PPFIA4: variants seen among roughly 807,000 people sequenced by gnomAD.
The protein encoded by PPFIA4 is liprin-alpha-4.
PPFIA4 carries 98 observed loss-of-function variants against 145.7 expected under a neutral mutation model. That is an observed-to-expected ratio of 0.67 (90% CI 0.57 to 0.80). The LOEUF (loss-of-function observed/expected upper bound fraction) is 0.80, where lower values mean the gene tolerates loss of function less well. PPFIA4 is among the 30% of genes least tolerant of loss of function. The probability of loss-of-function intolerance (pLI) is 0.00; values close to 1 mark genes in which losing one functional copy is unlikely to be tolerated. For synonymous variants in PPFIA4, 628 were observed against 649.6 expected, an observed-to-expected ratio of 0.97 and a Z score of 0.51; for missense variants, 1,457 against 1,632.7, an observed-to-expected ratio of 0.89 and a Z score of 1.85.
intron 7 of PPFIA4, 24 bp from the exon 8 acceptor site, chr1:203,045,817 C>T (rs970269100): frequency 7.4e-6 from 12 of 1,612,718 alleles, no homozygotes; most frequent in Non-Finnish European, 1.0e-5. Flanking sequence ...TGGTTACCGT[C>T]CTTCTTGTCC....
chr1:203,049,798 G>A, intron 13 of PPFIA4, 31 bp downstream of exon 13: 1 of 1,502,542 alleles, frequency 6.7e-7, no homozygotes, highest in Non-Finnish European at 8.9e-7. Flanking sequence ...GGGCATGCCA[G>A]GACGGGGTCC....
In PPFIA4 at chr1:203,043,778, G is replaced by A. The variant is rs4950908; in HGVS notation, c.337-153G>A. Among the ~76,000 whole-genome samples, 105,306 of 151,996 alleles carry A rather than the reference G, an allele frequency of 0.69. 37,604 individuals carry two copies. The highest frequency in any genetic ancestry group is 0.8 in the East Asian group (4,102 of 5,150). On this transcript the variant is annotated intron_variant, in intron 3 of 29. Coordinates refer to ENST00000295706, the MANE Select transcript of PPFIA4 (RefSeq NM_001304331.2). This position sits in a 1 kb window ranked among gnomAD's most constrained non-coding sequence, Gnocchi z 4.4. ...CACCTTGAGTAGTATCAGTTGGGGC[G>A]GGAGCTCTGTGCCCATTTGGAAGTA... is the stretch of plus-strand genomic sequence containing the variant.
rs754408237 is a variant in PPFIA4, at chr1:203,060,426, C to T, written c.2784+9C>T. 1.6e-5 allele frequency: 25 copies of T among 1,611,446 alleles called. No individual in the cohort carries two copies. Among genetic ancestry groups the T allele is most frequent in the Non-Finnish European group, 1.9e-5 (23 of 1,179,536 alleles). On this transcript the variant is annotated intron_variant, in intron 22 of 29. Transcript: ENST00000295706. The surrounding 1 kb of genome is among the most constrained non-coding windows in gnomAD (Gnocchi z 4.8). ...CACCCACCTCCAGGACTGTGAGTGG[C>T]CCCTCCTTTGCCCAGGACATTTTCA...
At chr1:203,063,666 A>G in intron 24 of PPFIA4, 162 bp from the exon 25 acceptor site, 1 of 643,750 alleles carries the variant, frequency 1.6e-6, no homozygotes, top group Non-Finnish European at 2.7e-6. Context: ...TCCCACCACT[A>G]CCAGCCCCCT....
At position 203,043,620 on chromosome 1, in the gene PPFIA4, A is replaced by T; in HGVS notation, c.336+122A>T. The T allele has an allele frequency of 2.2e-6, 2 of 900,684 alleles. No homozygotes were observed. Among genetic ancestry groups the T allele is most frequent in the South Asian group, 3.2e-5 (2 of 62,596 alleles). 55.8% of individuals were successfully genotyped at this position (900,684 alleles called of 1,614,324 possible). A position where few individuals can be genotyped will look rare whatever the true frequency, so the allele number is the denominator to read the frequency against. Reference sequence around the variant, plus strand: ...TGGGGCCAGGCACAGTCCTAGCTCAAGCCCCATCCTTCCCTCTTCCTGTCT... The same window carrying T: ...TGGGGCCAGGCACAGTCCTAGCTCATGCCCCATCCTTCCCTCTTCCTGTCT... On this transcript the variant is annotated intron_variant, in intron 3 of 29. Transcript: ENST00000295706. The surrounding 1 kb of genome is among the most constrained non-coding windows in gnomAD (Gnocchi z 4.4).
In PPFIA4 at chr1:203,055,342, C is replaced by T. The variant is rs1558086643; in HGVS notation, c.1830-90C>T. On this transcript the variant is annotated intron_variant, in intron 15 of 29. Coordinates refer to ENST00000295706, the MANE Select transcript of PPFIA4 (RefSeq NM_001304331.2). This position sits in a 1 kb window ranked among gnomAD's most constrained non-coding sequence, Gnocchi z 4.8. ...TGGCGGGTGTACACCGCATGTGGTCCTTGGTGGCGAGTGCAGGCATCGACC... is the reference window on the plus strand; with the variant it reads ...TGGCGGGTGTACACCGCATGTGGTCTTTGGTGGCGAGTGCAGGCATCGACC... 1 of 1,552,834 alleles carries T rather than the reference C, an allele frequency of 6.4e-7. No homozygotes were observed. The highest frequency in any genetic ancestry group is 8.8e-7 in the Non-Finnish European group (1 of 1,131,722).
intron 13 of PPFIA4, among the ~76,000 whole-genome samples, chr1:203,050,136 A>C (rs1479262803): frequency 6.6e-6 from 1 of 152,214 alleles, no homozygotes; most frequent in Non-Finnish European, 1.5e-5. Context: ...CATTCACTCC[A>C]GTTCTCTTGA....
chr1:203,041,084 G>C (rs1659665900), intron 2 of PPFIA4, among the ~76,000 whole-genome samples: 1 of 152,216 alleles, frequency 6.6e-6, no homozygotes, highest in Admixed American at 6.5e-5. Flanking sequence ...ACAGCTCCCA[G>C]CAAGGCTGTA....
intron 20 of PPFIA4, among the ~76,000 whole-genome samples, chr1:203,059,539 C>T (rs1451260272): frequency 2.0e-5 from 3 of 152,194 alleles, no homozygotes; most frequent in African/African-American, 7.2e-5. Context: ...AAGTCAATGT[C>T]AGGTCACATG....
Position 203,048,811 on chromosome 1 carries a change from G to C in PPFIA4, c.1356+97G>C, listed in dbSNP as rs1222809583. ...ATGGGCGCAGGCGGGGTCTCAATGGGGTGGGTGGCCAGCCTGGAGAGGTGG... is the reference window on the plus strand; with the variant it reads ...ATGGGCGCAGGCGGGGTCTCAATGGCGTGGGTGGCCAGCCTGGAGAGGTGG... On this transcript the variant is annotated intron_variant, in intron 11 of 29. Coordinates refer to ENST00000295706, the MANE Select transcript of PPFIA4 (RefSeq NM_001304331.2). The surrounding 1 kb of genome is among the most constrained non-coding windows in gnomAD (Gnocchi z 5.8). The C allele has an allele frequency of 3.9e-6, 6 of 1,533,910 alleles. No homozygotes were observed. In the Admixed American group the frequency reaches 9.9e-5, roughly 25 times the overall value.
At position 203,048,520 on chromosome 1, in the gene PPFIA4, C is replaced by A. The variant is rs143508283; in HGVS notation, c.1225-63C>A. 21 of 1,550,174 alleles carry A rather than the reference C, an allele frequency of 1.4e-5. No individual in the cohort carries two copies. The South Asian group carries it at 2.4e-4, about 18-fold the overall frequency. ...AAGAGGACAGGGGAGGGAGTCAAAC[C>A]CCAGCAGGAGAGGGTGGTCCTCCCT... On this transcript the variant is annotated intron_variant, in intron 10 of 29. Transcript: ENST00000295706. The surrounding 1 kb of genome is among the most constrained non-coding windows in gnomAD (Gnocchi z 5.8).
In PPFIA4 at chr1:203,075,844, G is replaced by A; in HGVS notation, c.3574+87G>A. ...CCCCAGGGCCGGGCCGGGTGGAGAG[G>A]GGCGAGGCCGAGGCTGGTGCCCCGC... On this transcript the variant is annotated intron_variant, in intron 29 of 29. Coordinates refer to ENST00000295706, the MANE Select transcript of PPFIA4 (RefSeq NM_001304331.2). The surrounding 1 kb of genome is among the most constrained non-coding windows in gnomAD (Gnocchi z 4.1). The A allele has an allele frequency of 1.6e-6, 2 of 1,276,756 alleles. No individual in the cohort carries two copies. The highest frequency in any genetic ancestry group is 2.0e-6 in the Non-Finnish European group (2 of 988,352). 79.1% of individuals were successfully genotyped at this position (1,276,756 alleles called of 1,614,324 possible).
intron 13 of PPFIA4, 152 bp from the exon 14 acceptor site, chr1:203,051,617 G>A (rs1351162800): frequency 3.6e-6 from 5 of 1,393,888 alleles, no homozygotes; most frequent in Non-Finnish European, 4.8e-6. Context: ...TTGCTTACAC[G>A]GCAGCCCTTC....
chr1:203,056,240 A>T (rs1660936347), intron 17 of PPFIA4, 85 bp downstream of exon 17: 25 of 1,603,066 alleles, frequency 1.6e-5, no homozygotes, highest in Non-Finnish European at 2.0e-5. Context: ...AGGGCCCTTG[A>T]GTCTGAGTCT....
At chr1:203,070,847 T>C (rs927097679) in intron 27 of PPFIA4, among the ~76,000 whole-genome samples, 2 of 152,156 alleles carry the variant, frequency 1.3e-5, no homozygotes, top group Admixed American at 1.3e-4. Context: ...ACATGCTTAC[T>C]TACCCCTCCA....
intron 15 of PPFIA4, 60 bp downstream of exon 15, chr1:203,054,021 T>C (rs2102656163): frequency 6.6e-7 from 1 of 1,520,294 alleles, no homozygotes; most frequent in Non-Finnish European, 8.9e-7. Context: ...CCCTTTGTGT[T>C]GGAAAAACCC....
intron 15 of PPFIA4, chr1:203,054,188 G>T: frequency 1.4e-6 from 1 of 695,630 alleles, no homozygotes; most frequent in Non-Finnish European, 2.6e-6. Flanking sequence ...CTTGCGATGT[G>T]GCTGGGCTCA....
At position 203,056,858 on chromosome 1, in the gene PPFIA4, G is replaced by A. The variant is rs1172929467; in HGVS notation, c.2315G>A (p.Arg772His). ...GACTCCCTGCACAAGGGCGCCAAGC[G>A]CAAGGGCATCAAGTCGTCCATTGGC... ...SQDSLHKGAK[R>H]KGIKSSIGRL... The change falls in exon 19 of 30, where the codon CGC becomes CAC. Residue 772 changes from arginine (R) to histidine (H), a missense_variant. Physicochemically the swap from Arg to His is conservative, Grantham distance 29. Transcript: ENST00000295706. The A allele has an allele frequency of 2.5e-6, 4 of 1,614,106 alleles. No homozygotes were observed. Among genetic ancestry groups the A allele is most frequent in the Non-Finnish European group, 2.5e-6 (3 of 1,179,920 alleles).
chr1:203,064,607 TG>T (rs1246512307), intron 25 of PPFIA4, among the ~76,000 whole-genome samples: 2 of 152,234 alleles, frequency 1.3e-5, no homozygotes, highest in Non-Finnish European at 2.9e-5. Flanking sequence ...GACTTGTTTT[TG>T]TTTGGCCCAC....
Sources: allele counts gnomAD v4.1 joint callset (sites outside exome capture counted in the v4.1 genomes callset), GRCh38; gene constraint gnomAD v4.1.1; non-coding constraint Gnocchi (gnomAD v3.1); transcripts MANE v1.5; gene names NCBI Gene and HGNC (gene_info 2026-07-23, HGNC 2026-07-21).